EPHA5: variants seen among roughly 807,000 people sequenced by gnomAD.
EPHA5 encodes EPH receptor A5.
EPHA5 carries 60 observed loss-of-function variants against 105.0 expected under a neutral mutation model. That is an observed-to-expected ratio of 0.57 (90% confidence interval 0.46 to 0.71). The LOEUF is 0.71. Ranked by LOEUF, EPHA5 falls within the 30% of genes least tolerant of loss-of-function variation. The pLI is 0.00. For synonymous variants in EPHA5, 513 were observed against 449.1 expected (o/e 1.14, Z -1.80); for missense variants, 1,218 against 1,274.7 (o/e 0.96, Z 0.68).
chr4:65,428,867 A>G (rs1482050729), intron 5 of EPHA5, among the ~76,000 whole-genome samples: 1 of 152,090 alleles, frequency 6.6e-6, no homozygotes, highest in African/African-American at 2.4e-5. Context: ...AATGACAATA[A>G]TAAAAATAGA....
At chr4:65,477,384 T>A (rs1729924695) in intron 5 of EPHA5, among the ~76,000 whole-genome samples, 2 of 152,048 alleles carry the variant, frequency 1.3e-5, no homozygotes, top group African/African-American at 4.8e-5. Context: ...CTTGGGGGAA[T>A]CACTTCATGT....
intron 1 of EPHA5, among the ~76,000 whole-genome samples, chr4:65,664,230 G>A (rs552427092): frequency 1.6e-4 from 25 of 151,846 alleles, no homozygotes; most frequent in African/African-American, 5.5e-4. Context: ...CATTTTCAAT[G>A]GCACCAATTA....
chr4:65,515,173 C>T (rs76639399), intron 3 of EPHA5, among the ~76,000 whole-genome samples: 2,617 of 152,248 alleles, frequency 0.017, 88 homozygotes, highest in African/African-American at 0.059. Context: ...CTTGATTAAA[C>T]ATATTCAACT....
intron 1 of EPHA5, among the ~76,000 whole-genome samples, chr4:65,666,312 T>A (rs994556489): frequency 6.6e-6 from 1 of 152,206 alleles, no homozygotes; most frequent in Non-Finnish European, 1.5e-5. Context: ...GTAGCTTCAA[T>A]GAATTAAGCT....
intron 5 of EPHA5, among the ~76,000 whole-genome samples, chr4:65,442,074 C>T (rs907420845): frequency 6.6e-6 from 1 of 151,994 alleles, no homozygotes; most frequent in Non-Finnish European, 1.5e-5. Context: ...AATAAAATGT[C>T]CAATGTAATT....
chr4:65,584,150 A>C (rs2149402758), intron 3 of EPHA5, among the ~76,000 whole-genome samples: 1 of 151,850 alleles, frequency 6.6e-6, no homozygotes, highest in African/African-American at 2.4e-5. Context: ...TTAAAATAAT[A>C]AAATCAATCA....
chr4:65,613,688 T>A (rs1744976753), intron 2 of EPHA5, among the ~76,000 whole-genome samples: 1 of 152,054 alleles, frequency 6.6e-6, no homozygotes, highest in African/African-American at 2.4e-5. Flanking sequence ...CCTCCTGGAT[T>A]TTGTTAAGCT....
intron 5 of EPHA5, among the ~76,000 whole-genome samples, chr4:65,465,523 GAAA>G (rs1728591608): frequency 1.2e-5 from 1 of 86,518 alleles, no homozygotes; most frequent in African/African-American, 4.5e-5. Flanking sequence ...AAGAAAGAAA[GAAA>G]GAAAAGAAAG....
At position 65,495,418 on chromosome 4, in the gene EPHA5, C is replaced by G. The variant is rs2149225610; in HGVS notation, c.1036G>C (p.Glu346Gln). The G allele has an allele frequency of 6.2e-7, 1 of 1,613,578 alleles. No homozygotes were observed. Among genetic ancestry groups the G allele is most frequent in the Non-Finnish European group, 8.5e-7 (1 of 1,179,674 alleles). ...CVCEKDYFRRESDPPTMACTR... is the reference protein window; with the variant it reads ...CVCEKDYFRRQSDPPTMACTR... ...CATGCCATTGTGGGTGGATCAGACT[C>G]TCTCCTGAAATAATCCTTTTCACAG... Residue 346 changes from glutamate to glutamine, a missense_variant, in exon 4 of 17, where the codon GAG becomes CAG. Physicochemically the swap from Glu to Gln is conservative, Grantham distance 29 (BLOSUM62 2). Around this residue, in one of 3 missense-constraint regions of EPHA5, gnomAD observed 971 missense variants for 1,013.5 expected, o/e 0.96. Transcript: ENST00000613740.
intron 5 of EPHA5, among the ~76,000 whole-genome samples, chr4:65,470,469 C>A (rs951930198): frequency 1.3e-5 from 2 of 152,056 alleles, no homozygotes; most frequent in Admixed American, 1.3e-4. Flanking sequence ...TGGCATTACA[C>A]GTGTGAACCA....
intron 8 of EPHA5, among the ~76,000 whole-genome samples, chr4:65,384,074 A>C (rs906043157): frequency 2.0e-5 from 3 of 151,904 alleles, no homozygotes; most frequent in Non-Finnish European, 4.4e-5. Context: ...TCAGGAAGGA[A>C]TAGAAGATGA....
chr4:65,649,468 A>T (rs963774957), intron 1 of EPHA5, among the ~76,000 whole-genome samples: 1 of 152,198 alleles, frequency 6.6e-6, no homozygotes, highest in East Asian at 1.9e-4. Context: ...AGCCATCAAC[A>T]TTACCTGACA....
At chr4:65,390,270 G>A (rs538556211) in intron 8 of EPHA5, among the ~76,000 whole-genome samples, 1 of 151,976 alleles carries the variant, frequency 6.6e-6, no homozygotes, top group East Asian at 2.0e-4. Flanking sequence ...ATATTCCCCT[G>A]CCTTGATAAC....
intron 5 of EPHA5, among the ~76,000 whole-genome samples, chr4:65,436,795 G>T (rs554338597): frequency 6.6e-6 from 1 of 152,050 alleles, no homozygotes; most frequent in Non-Finnish European, 1.5e-5. Context: ...GCACCTACTG[G>T]TATGTGAACA....
intron 5 of EPHA5, among the ~76,000 whole-genome samples, chr4:65,458,424 A>G (rs947188222): frequency 2.6e-5 from 4 of 152,108 alleles, no homozygotes; most frequent in African/African-American, 9.7e-5. Context: ...CCTTTACTCA[A>G]TATGTTTCCA....
At chr4:65,647,428 A>T (rs564914256) in intron 1 of EPHA5, among the ~76,000 whole-genome samples, 344 of 151,448 alleles carry the variant, frequency 2.3e-3, no homozygotes, top group Admixed American at 4.1e-3. Flanking sequence ...TATTAAAAAG[A>T]GGGGATTGGC....
intron 14 of EPHA5, among the ~76,000 whole-genome samples, chr4:65,338,314 C>T (rs1395581887): frequency 6.6e-6 from 1 of 151,984 alleles, no homozygotes; most frequent in East Asian, 1.9e-4. Context: ...ATATAGGTAT[C>T]AAAATAAAGC....
At chr4:65,416,273 C>T (rs1446415645) in intron 6 of EPHA5, among the ~76,000 whole-genome samples, 4 of 151,796 alleles carry the variant, frequency 2.6e-5, no homozygotes, top group African/African-American at 7.3e-5. Flanking sequence ...AGAATTCCAG[C>T]CATATTATTA....
chr4:65,419,323 T>C (rs1236629570), intron 6 of EPHA5, among the ~76,000 whole-genome samples: 1 of 152,140 alleles, frequency 6.6e-6, no homozygotes, highest in Non-Finnish European at 1.5e-5. Flanking sequence ...TGCCCTAGCT[T>C]GGGCAAGTTC....
Sources: gnomAD v4.1 joint callset for allele counts (sites outside exome capture counted in the v4.1 genomes callset) on GRCh38, gnomAD v4.1.1 for gene constraint, gnomAD v4.1.1 regional missense constraint, MANE v1.5 for transcripts, NCBI Gene and HGNC (gene_info 2026-07-23, HGNC 2026-07-21) for gene names.